The following CWC27 variants were observed in gnomAD, a reference collection of about 807,000 sequenced individuals.
CWC27 encodes the protein CWC27 spliceosome associated cyclophilin, also known as spliceosome-associated protein CWC27 homolog.
Under a neutral mutation model 63.6 loss-of-function variants are expected in CWC27, and 47 were observed. The observed-to-expected ratio is 0.74, with a 90% confidence interval of 0.58 to 0.94. The LOEUF (loss-of-function observed/expected upper bound fraction) is 0.94, where lower values mean the gene tolerates loss of function less well. Among genes scored for constraint, CWC27 ranks in the 40% least tolerant of loss-of-function variants. CWC27 has a pLI of 0.00. For synonymous variants in CWC27, 175 were observed against 179.8 expected (o/e 0.97, Z 0.22); for missense variants, 495 against 554.3 (o/e 0.89, Z 1.07).
chr5:64,883,213 A>G (rs1000276493), intron 10 of CWC27, among the ~76,000 whole-genome samples: 12 of 152,158 alleles, frequency 7.9e-5, no homozygotes, highest in African/African-American at 2.4e-4. Flanking sequence ...CCATGATCCA[A>G]TCACTTTCCA....
intron 13 of CWC27, among the ~76,000 whole-genome samples, chr5:65,015,137 T>A (rs1750028207): frequency 6.6e-6 from 1 of 152,186 alleles, no homozygotes; most frequent in Non-Finnish European, 1.5e-5. Context: ...TATTCATGTG[T>A]CTAGAGTTCA....
In CWC27 at chr5:64,967,203, G is replaced by A. The variant is rs374887963; in HGVS notation, c.1043-4500G>A. ...TCCTGAGATAGTCACAAAGATGATA[G>A]TAAATAGCCACTCCTCACTCCTATC... On this transcript the variant is annotated intron_variant, in intron 11 of 13. Transcript: ENST00000381070. 3.5e-4 allele frequency among the ~76,000 whole-genome samples: 53 copies of A among 152,078 alleles called. No homozygotes were observed. In the East Asian group the frequency reaches 7.2e-3, roughly 21 times the overall value.
chr5:64,787,141 C>T (rs1182050410), intron 6 of CWC27, among the ~76,000 whole-genome samples: 3 of 152,132 alleles, frequency 2.0e-5, no homozygotes, highest in African/African-American at 4.8e-5. Flanking sequence ...CCACTAGGGT[C>T]CCTCCCATAA....
intron 7 of CWC27, among the ~76,000 whole-genome samples, chr5:64,794,852 T>A (rs1744208432): frequency 6.6e-6 from 1 of 152,184 alleles, no homozygotes; most frequent in Non-Finnish European, 1.5e-5. Context: ...GAAATATTTT[T>A]CAAGTTAAAG....
chr5:64,937,472 T>A (rs1748380946), intron 11 of CWC27, among the ~76,000 whole-genome samples: 1 of 152,210 alleles, frequency 6.6e-6, no homozygotes, highest in African/African-American at 2.4e-5. Flanking sequence ...CTGTTATGAT[T>A]CCTGTTCTTT....
intron 10 of CWC27, among the ~76,000 whole-genome samples, chr5:64,854,376 A>G (rs542577032): frequency 6.6e-5 from 10 of 152,328 alleles, no homozygotes; most frequent in African/African-American, 2.4e-4. Context: ...ACTGTTTTTC[A>G]TAGCAACTGC....
intron 10 of CWC27, chr5:64,807,726 T>C: frequency 1.3e-6 from 2 of 1,535,906 alleles, no homozygotes; most frequent in Non-Finnish European, 1.7e-6. Flanking sequence ...TGCTTCCTTA[T>C]TACTCACTCG....
intron 13 of CWC27, 44 bp downstream of exon 13, chr5:64,977,282 T>C: frequency 7.4e-7 from 1 of 1,346,920 alleles, no homozygotes; most frequent in South Asian, 1.3e-5. Flanking sequence ...ACAAATAGTC[T>C]CAGAGCAGAG....
chr5:64,836,733 C>A (rs1745668262), intron 10 of CWC27, among the ~76,000 whole-genome samples: 6 of 151,974 alleles, frequency 3.9e-5, no homozygotes, highest in Admixed American at 3.3e-4. Context: ...AACAGAGTAA[C>A]AGTACTGTTT....
intron 10 of CWC27, among the ~76,000 whole-genome samples, chr5:64,842,165 T>C (rs1172753144): frequency 6.6e-6 from 1 of 152,186 alleles, no homozygotes; most frequent in Non-Finnish European, 1.5e-5. Context: ...CCATGTGGCC[T>C]ACAAACCCTA....
At chr5:64,803,757 G>T (rs1366548112) in intron 9 of CWC27, among the ~76,000 whole-genome samples, 1 of 152,104 alleles carries the variant, frequency 6.6e-6, no homozygotes, top group African/African-American at 2.4e-5. Context: ...GAGTGAGTTG[G>T]GGACCCACTA....
chr5:64,911,022 C>T (rs1006958519), intron 11 of CWC27, among the ~76,000 whole-genome samples: 4 of 152,168 alleles, frequency 2.6e-5, no homozygotes, highest in East Asian at 3.9e-4. Context: ...AGAAATCACC[C>T]GTCTTCTGCA....
At chr5:64,945,050 A>G (rs146731609) in intron 11 of CWC27, among the ~76,000 whole-genome samples, 2 of 152,188 alleles carry the variant, frequency 1.3e-5, no homozygotes, top group Non-Finnish European at 2.9e-5. Context: ...CACATTTGGC[A>G]TGTTCCCTGC....
chr5:64,814,158 C>G (rs1181518500), intron 10 of CWC27, among the ~76,000 whole-genome samples: 1 of 151,714 alleles, frequency 6.6e-6, no homozygotes, highest in Non-Finnish European at 1.5e-5. Context: ...CTTCTTCTTC[C>G]AGTGTGGCCC....
At chr5:64,982,231 A>G (rs183014399) in intron 13 of CWC27, among the ~76,000 whole-genome samples, 20 of 152,370 alleles carry the variant, frequency 1.3e-4, no homozygotes, top group African/African-American at 4.3e-4. Context: ...TGCTTATACT[A>G]GCAAAGCTTT....
intron 13 of CWC27, among the ~76,000 whole-genome samples, chr5:65,004,862 A>T (rs1260883136): frequency 1.9e-4 from 1 of 5,294 alleles, no homozygotes; most frequent in Non-Finnish European, 3.6e-4. Context: ...AGACTTTTTC[A>T]TATATATATA....
In CWC27 at chr5:64,905,422, G is replaced by C. The variant is rs565910159; in HGVS notation, c.1042+19876G>C. Reference sequence around the variant, plus strand: ...TTACTTTCTGTCTTTTAGAACAGTGGTCTCCAAAATGGCACAGAGATGACC... The same window carrying C: ...TTACTTTCTGTCTTTTAGAACAGTGCTCTCCAAAATGGCACAGAGATGACC... On this transcript the variant is annotated intron_variant, in intron 11 of 13. Transcript: ENST00000381070. 5.9e-5 allele frequency among the ~76,000 whole-genome samples: 9 copies of C among 152,064 alleles called. No homozygotes were observed. In the South Asian group the frequency reaches 1.7e-3, roughly 28 times the overall value.
intron 10 of CWC27, among the ~76,000 whole-genome samples, chr5:64,805,402 A>G (rs1047771181): frequency 1.3e-5 from 2 of 151,670 alleles, no homozygotes; most frequent in Non-Finnish European, 2.9e-5. Flanking sequence ...AATATAGACT[A>G]AAGATTTTAG....
chr5:64,828,927 C>T (rs1315157305), intron 10 of CWC27, among the ~76,000 whole-genome samples: 1 of 151,956 alleles, frequency 6.6e-6, no homozygotes, highest in Non-Finnish European at 1.5e-5. Flanking sequence ...AGGAAGCCAC[C>T]TAGAGAAGCT....
Sources: allele counts gnomAD v4.1 joint callset (sites outside exome capture counted in the v4.1 genomes callset), GRCh38; gene constraint gnomAD v4.1.1; transcripts MANE v1.5; gene names NCBI Gene and HGNC (gene_info 2026-07-23, HGNC 2026-07-21).